ASPRV1: variants seen among roughly 807,000 people sequenced by gnomAD.
The protein encoded by ASPRV1 is aspartic peptidase retroviral like 1.
Under a neutral mutation model 11.0 loss-of-function variants are expected in ASPRV1, and 7 were observed. That is an observed-to-expected ratio of 0.64 (90% confidence interval 0.36 to 1.20). ASPRV1 has a LOEUF of 1.20. Ranked by LOEUF, ASPRV1 falls within the 50% of genes most tolerant of loss-of-function variation. ASPRV1 has a pLI of 0.02. For missense variants in ASPRV1, 299 were observed against 320.0 expected, an observed-to-expected ratio of 0.93 and a Z score of 0.50; for synonymous variants, 136 against 138.4, an observed-to-expected ratio of 0.98 and a Z score of 0.12.
At chr2:69,995,464 A>G in the ASPRV1 span, 1 of 152,104 alleles carries the variant, frequency 6.6e-6, no homozygotes, top group South Asian at 2.1e-4. Context: ...GGGACAGGAG[A>G]TATCTTTCTC....
chr2:69,962,865 C>G (rs1389568189), upstream of ASPRV1: 2 of 195,436 alleles, frequency 1.0e-5, no homozygotes, highest in Non-Finnish European at 2.2e-5. Flanking sequence ...TCTCCAGCCC[C>G]CAGAACAACT....
At chr2:70,065,698 G>A in the ASPRV1 span, among the ~76,000 whole-genome samples, 2 of 151,590 alleles carry the variant, frequency 1.3e-5, no homozygotes, top group African/African-American at 2.4e-5. Context: ...GGTGGCGCAT[G>A]CCTTTAGTCC....
At chr2:69,981,619 C>T in the ASPRV1 span, among the ~76,000 whole-genome samples, 1 of 152,242 alleles carries the variant, frequency 6.6e-6, no homozygotes, top group African/African-American at 2.4e-5. Context: ...TGCAGTGGCG[C>T]GATCTCGGCT....
At chr2:69,979,825 A>G in the ASPRV1 span, among the ~76,000 whole-genome samples, 2 of 152,184 alleles carry the variant, frequency 1.3e-5, no homozygotes, top group African/African-American at 4.8e-5. Flanking sequence ...ACTAAGCTCC[A>G]CGCTCTCCAT....
chr2:69,934,031 A>G, the ASPRV1 span, among the ~76,000 whole-genome samples: 1 of 152,232 alleles, frequency 6.6e-6, no homozygotes, highest in Admixed American at 6.5e-5. Context: ...CTTAAAGTCT[A>G]GTTGAATAGA....
chr2:70,085,318 T>TC, the ASPRV1 span, among the ~76,000 whole-genome samples: 9 of 152,118 alleles, frequency 5.9e-5, no homozygotes, highest in African/African-American at 2.2e-4. Flanking sequence ...CACTTCCCCC[T>TC]CCCTATCCTC....
chr2:69,951,494 T>C, the ASPRV1 span, among the ~76,000 whole-genome samples: 2 of 148,320 alleles, frequency 1.3e-5, no homozygotes, highest in South Asian at 4.2e-4. Flanking sequence ...TATATCTATA[T>C]GTATATTTAT....
the ASPRV1 span, chr2:70,069,265 G>C: frequency 5.3e-5 from 8 of 152,128 alleles, no homozygotes. Context: ...CTCGCCCTCT[G>C]GGGTAGGTTT....
chr2:69,961,560 G>C lies in ASPRV1; in HGVS notation c.-124C>G. The C allele has an allele frequency of 6.2e-7, 1 of 1,614,094 alleles. No individual in the cohort carries two copies. Among genetic ancestry groups the C allele is most frequent in the Non-Finnish European group, 8.5e-7 (1 of 1,179,992 alleles). Reference sequence around the variant, plus strand: ...GAAGCAGAGTGGGGATGACTTGCCCGGCCTTGGGCAAGCAGGAGGGAGCAG... The same window carrying C: ...GAAGCAGAGTGGGGATGACTTGCCCCGCCTTGGGCAAGCAGGAGGGAGCAG... On this transcript the variant is annotated 5_prime_UTR_variant, in exon 1 of 1. Transcript: ENST00000320256.
chr2:70,068,882 T>C, the ASPRV1 span, among the ~76,000 whole-genome samples: 6 of 145,860 alleles, frequency 4.1e-5, no homozygotes, highest in Non-Finnish European at 1.5e-5. Flanking sequence ...GAGGCGGAGG[T>C]TGCAGTGAGC....
the ASPRV1 span, among the ~76,000 whole-genome samples, chr2:70,004,859 T>C: frequency 6.6e-6 from 1 of 152,154 alleles, no homozygotes; most frequent in African/African-American, 2.4e-5. Context: ...CCGTCTGTTG[T>C]TACCTGCTCA....
At chr2:69,944,271 C>T in the ASPRV1 span, among the ~76,000 whole-genome samples, 1 of 152,204 alleles carries the variant, frequency 6.6e-6, no homozygotes, top group Non-Finnish European at 1.5e-5. Context: ...CACAAGATGA[C>T]AAATCTTATT....
At chr2:70,031,368 T>C in the ASPRV1 span, 2 of 152,056 alleles carry the variant, frequency 1.3e-5, no homozygotes, top group Non-Finnish European at 2.9e-5. Flanking sequence ...GTGGCAAAAT[T>C]CCACATCAAA....
chr2:70,040,643 G>A, the ASPRV1 span, among the ~76,000 whole-genome samples: 1 of 152,130 alleles, frequency 6.6e-6, no homozygotes, highest in Non-Finnish European at 1.5e-5. Context: ...AGACCAGCCT[G>A]GCCAAGATGG....
At chr2:70,065,466 A>G in the ASPRV1 span, among the ~76,000 whole-genome samples, 5 of 151,986 alleles carry the variant, frequency 3.3e-5, no homozygotes, top group Non-Finnish European at 7.4e-5. Context: ...AAATATGTAA[A>G]TAAACCAGAA....
the ASPRV1 span, among the ~76,000 whole-genome samples, chr2:70,051,856 T>C: frequency 6.6e-6 from 1 of 152,040 alleles, no homozygotes; most frequent in African/African-American, 2.4e-5. Flanking sequence ...ATGCCTGTAG[T>C]CCCAATTACT....
the ASPRV1 span, among the ~76,000 whole-genome samples, chr2:69,992,402 G>A: frequency 6.6e-6 from 1 of 152,092 alleles, no homozygotes; most frequent in Admixed American, 6.5e-5. Context: ...ACATACCCAT[G>A]GTATATCACA....
At chr2:70,064,850 T>C in the ASPRV1 span, among the ~76,000 whole-genome samples, 30 of 152,164 alleles carry the variant, frequency 2.0e-4, 1 homozygote, top group African/African-American at 7.2e-4. Context: ...TCCCAGCACT[T>C]TGGGAGGCCA....
At chr2:70,021,613 C>T in the ASPRV1 span, among the ~76,000 whole-genome samples, 124 of 151,910 alleles carry the variant, frequency 8.2e-4, no homozygotes, top group African/African-American at 2.7e-3. Context: ...CCACCACGCC[C>T]GGCCAAGATG....
Sources: allele counts gnomAD v4.1 joint callset (sites outside exome capture counted in the v4.1 genomes callset), GRCh38; gene constraint gnomAD v4.1.1; transcripts MANE v1.5; gene names NCBI Gene and HGNC (gene_info 2026-07-23, HGNC 2026-07-21).